CYBC1: variants seen among roughly 807,000 people sequenced by gnomAD.
CYBC1 encodes the protein essential for reactive oxygen species protein.
CYBC1 carries 22 observed loss-of-function variants against 21.7 expected under a neutral mutation model. The ratio of observed to expected loss-of-function variants is 1.02; its 90% confidence interval spans 0.73 to 1.45. The LOEUF is 1.45. Ranked by LOEUF, CYBC1 falls within the 40% of genes most tolerant of loss-of-function variation. The probability of loss-of-function intolerance (pLI) is 0.00; values close to 1 mark genes in which losing one functional copy is unlikely to be tolerated. For missense variants in CYBC1, 237 were observed against 242.1 expected, an observed-to-expected ratio of 0.98 and a Z score of 0.14; for synonymous variants, 112 against 98.7, an observed-to-expected ratio of 1.13 and a Z score of -0.80.
rs895059019 is a variant in CYBC1 at position 82,444,098 on chromosome 17, A to G, written c.470T>C (p.Ile157Thr). The G allele has an allele frequency of 8.7e-6, 14 of 1,612,704 alleles. No individual in the cohort carries two copies. The highest frequency in any genetic ancestry group is 1.2e-5 in the Non-Finnish European group (14 of 1,179,246). The change falls in exon 7 of 7, where the codon ATC becomes ACC. Residue 157 changes from isoleucine (I) to threonine (T), a missense_variant. Coordinates refer to ENST00000306645, the MANE Select transcript of CYBC1 (RefSeq NM_001033046.4). ...GCAGTGCAGCTCCAGGAAGCTGGTGATGAGCTTGGCGATGGCTTCCACATC... is the reference window on the plus strand; with the variant it reads ...GCAGTGCAGCTCCAGGAAGCTGGTGGTGAGCTTGGCGATGGCTTCCACATC... ...RSDVEAIAKL[I>T]TSFLELHCLE...
chr17:82,445,538 C>T (rs551644642), intron 5 of CYBC1: 3 of 226,052 alleles, frequency 1.3e-5, no homozygotes, highest in East Asian at 2.6e-4. Context: ...AGAGGCTGCC[C>T]GAGCCCGGGT....
In CYBC1 at chr17:82,447,615, A is replaced by G; in HGVS notation, c.92T>C (p.Leu31Ser). 6.3e-7 allele frequency: 1 copy of G among 1,596,730 alleles called. No homozygotes were observed. Among genetic ancestry groups the G allele is most frequent in the South Asian group, 1.1e-5 (1 of 87,264 alleles). ...IRSWSLLVGI[L>S]SIGLAAAYYS... ...GTAGGCAGCAGCCAGGCCAATCGACAAGATTCCTATGAAGAGAAAGTGACT... is the reference window on the plus strand; with the variant it reads ...GTAGGCAGCAGCCAGGCCAATCGACGAGATTCCTATGAAGAGAAAGTGACT... Residue 31 changes from leucine (L) to serine (S), a missense_variant, in exon 3 of 7, where the codon TTG (leucine) becomes TCG (serine). Physicochemically the swap from Leu to Ser is moderately radical, Grantham distance 145. Coordinates refer to ENST00000306645, the MANE Select transcript of CYBC1 (RefSeq NM_001033046.4).
At chr17:82,448,073 A>C in intron 2 of CYBC1, 1 of 241,172 alleles carries the variant, frequency 4.1e-6, no homozygotes. Flanking sequence ...AAATTACAAC[A>C]CAGCGTGTCA....
chr17:82,444,796 C>T, intron 5 of CYBC1: 3 of 608,786 alleles, frequency 4.9e-6, no homozygotes, highest in Non-Finnish European at 8.4e-6. Flanking sequence ...AAGGACGTGC[C>T]CGCGGTGCAG....
chr17:82,446,075 C>T lies in CYBC1; in HGVS notation c.202-115G>A, dbSNP rs72857478. 0.026 allele frequency: 20,424 copies of T among 789,026 alleles called. 369 individuals carry two copies. Among genetic ancestry groups the T allele is most frequent in the Non-Finnish European group, 0.031 (14,784 of 483,422 alleles). 48.9% of individuals were successfully genotyped at this position (789,026 alleles called of 1,614,324 possible). On this transcript the variant is annotated intron_variant, in intron 4 of 6. Transcript: ENST00000306645. ...GACACTCAAGAAGGGGGGCTGGGGA[C>T]CCTCCCAGTCAGAACCCAAACCCCT...
chr17:82,446,998 C>G (rs952776377), intron 3 of CYBC1: 3 of 484,392 alleles, frequency 6.2e-6, no homozygotes, highest in South Asian at 2.5e-5. Context: ...ACAGCTGGAT[C>G]TTAGATCCTC....
chr17:82,449,711 T>TGCGGAGCCCACCCAG (rs1427804121), intron 1 of CYBC1: 1 of 158,858 alleles, frequency 6.3e-6, no homozygotes, highest in African/African-American at 2.4e-5. Flanking sequence ...CCATCATGGC[T>TGCGGAGCCCACCCAG]TCCGGCCGTA....
intron 5 of CYBC1, chr17:82,445,625 C>T (rs1599779190): frequency 2.2e-6 from 1 of 453,892 alleles, no homozygotes; most frequent in Non-Finnish European, 4.0e-6. Flanking sequence ...CCACTCTCCC[C>T]AGGGGCCAAA....
At position 82,443,425 on chromosome 17, in the gene CYBC1, C is replaced by T; in HGVS notation, c.*579G>A. 1.7e-6 allele frequency: 1 copy of T among 597,944 alleles called. No homozygotes were observed. The highest frequency in any genetic ancestry group is 3.1e-6 in the Non-Finnish European group (1 of 322,082). 37.0% of individuals were successfully genotyped at this position (597,944 alleles called of 1,614,324 possible). On this transcript the variant is annotated 3_prime_UTR_variant, in exon 7 of 7. Coordinates refer to ENST00000306645, the MANE Select transcript of CYBC1 (RefSeq NM_001033046.4). This position sits in a 1 kb window ranked among gnomAD's most constrained non-coding sequence, Gnocchi z 6.7. ...CACAGTGTGGCTGCAGCGTGCACAG[C>T]CAGGTAGGCCCTGGATGTTCACCCC...
rs1340244801 is a variant in CYBC1, at chr17:82,443,002, C to G, written c.*1002G>C. The G allele has an allele frequency of 4.9e-6, 1 of 204,904 alleles. No homozygotes were observed. The highest frequency in any genetic ancestry group is 2.3e-5 in the African/African-American group (1 of 42,876). The allele number at this position is 204,904 out of a possible 1,614,324, so 12.7% of individuals were successfully genotyped here. A position where few individuals can be genotyped will look rare whatever the true frequency, so the allele number is the denominator to read the frequency against. On this transcript the variant is annotated 3_prime_UTR_variant, in exon 7 of 7. Coordinates refer to ENST00000306645, the MANE Select transcript of CYBC1 (RefSeq NM_001033046.4). The surrounding 1 kb of genome is among the most constrained non-coding windows in gnomAD (Gnocchi z 6.7). ...AAGTCTGTAGCCGAGAGCCCAGCCC[C>G]CTCCTGCCAGGTCTTCCCAGGTTCG... is the stretch of plus-strand genomic sequence containing the variant.
chr17:82,445,858 A>G lies in CYBC1; in HGVS notation c.298+6T>C. ...GTCCCATGTCCCCACGCTCCCCACG[A>G]CTCACCCTGGTCGTGGCCAGCTCTG... On this transcript the variant is annotated splice_donor_region_variant and intron_variant, in intron 5 of 6. Coordinates refer to ENST00000306645, the MANE Select transcript of CYBC1 (RefSeq NM_001033046.4). 6.2e-7 allele frequency: 1 copy of G among 1,606,160 alleles called. No homozygotes were observed. The highest frequency in any genetic ancestry group is 8.5e-7 in the Non-Finnish European group (1 of 1,175,972).
chr17:82,445,486 C>T (rs550429300), intron 5 of CYBC1: 73 of 176,400 alleles, frequency 4.1e-4, no homozygotes, highest in African/African-American at 1.6e-3. Context: ...ACTGCACCTG[C>T]GGACAAGTGG....
chr17:82,449,086 G>T, intron 2 of CYBC1, 84 bp downstream of exon 2: 1 of 1,096,392 alleles, frequency 9.1e-7, no homozygotes, highest in Non-Finnish European at 1.3e-6. Context: ...AGAAAAAAGA[G>T]AAAATATTTT....
intron 3 of CYBC1, 21 bp downstream of exon 3, chr17:82,447,559 G>A: frequency 6.3e-7 from 1 of 1,579,650 alleles, no homozygotes; most frequent in Non-Finnish European, 8.6e-7. Context: ...TCATGGGGGG[G>A]TGGGGCGGGG....
At chr17:82,444,308 C>G in intron 6 of CYBC1, 139 bp downstream of exon 6, 1 of 1,440,090 alleles carries the variant, frequency 6.9e-7, no homozygotes, top group Non-Finnish European at 9.3e-7. Flanking sequence ...TGAGCCTGCA[C>G]ACGCTTCCCG....
chr17:82,443,431 A>G lies in CYBC1; in HGVS notation c.*573T>C. The G allele has an allele frequency of 3.3e-6, 2 of 607,870 alleles. No individual in the cohort carries two copies. Among genetic ancestry groups the G allele is most frequent in the Non-Finnish European group, 6.1e-6 (2 of 327,366 alleles). The allele number at this position is 607,870 out of a possible 1,614,324, so 37.7% of individuals were successfully genotyped here. A position where few individuals can be genotyped will look rare whatever the true frequency, so the allele number is the denominator to read the frequency against. On this transcript the variant is annotated 3_prime_UTR_variant, in exon 7 of 7. Transcript: ENST00000306645. The surrounding 1 kb of genome is among the most constrained non-coding windows in gnomAD (Gnocchi z 6.7). Reference sequence around the variant, plus strand: ...GTGGCTGCAGCGTGCACAGCCAGGTAGGCCCTGGATGTTCACCCCTCACTG... The same window carrying G: ...GTGGCTGCAGCGTGCACAGCCAGGTGGGCCCTGGATGTTCACCCCTCACTG...
chr17:82,445,509 C>T (rs147477657), intron 5 of CYBC1: 41 of 183,682 alleles, frequency 2.2e-4, no homozygotes, highest in Admixed American at 4.0e-4. Context: ...GCCAGGCAGA[C>T]GGGAGAATGC....
At chr17:82,448,059 A>T (rs2054414485) in intron 2 of CYBC1, 1 of 246,316 alleles carries the variant, frequency 4.1e-6, no homozygotes, top group Non-Finnish European at 7.9e-6. Context: ...GACTGTGCAC[A>T]AAGAAATTAC....
At chr17:82,450,045 G>A (rs2054503132) in intron 1 of CYBC1, 1 of 152,306 alleles carries the variant, frequency 6.6e-6, no homozygotes, top group East Asian at 1.9e-4. Flanking sequence ...ACTTTGGGAG[G>A]ACGAGGCGTG....
Sources: allele counts gnomAD v4.1 joint callset, GRCh38; gene constraint gnomAD v4.1.1; non-coding constraint Gnocchi (gnomAD v3.1); transcripts MANE v1.5; gene names NCBI Gene and HGNC (gene_info 2026-07-23, HGNC 2026-07-21).